The following COLGALT2 variants were observed in gnomAD, a reference collection of about 807,000 sequenced individuals.
COLGALT2 encodes procollagen galactosyltransferase 2.
A neutral mutation model predicts 73.4 loss-of-function variants in COLGALT2; 49 were observed. That is an observed-to-expected ratio of 0.67 (90% CI 0.53 to 0.85). The LOEUF (loss-of-function observed/expected upper bound fraction) is 0.85, where lower values mean the gene tolerates loss of function less well. COLGALT2 is among the 40% of genes least tolerant of loss of function. The pLI is 0.00. For synonymous variants in COLGALT2, 295 were observed against 307.6 expected (o/e 0.96, Z 0.43); for missense variants, 722 against 790.2 (o/e 0.91, Z 1.03).
intron 2 of COLGALT2, among the ~76,000 whole-genome samples, chr1:183,975,718 C>T (rs576484529): frequency 9.2e-5 from 14 of 152,202 alleles, no homozygotes; most frequent in Non-Finnish European, 1.9e-4. Flanking sequence ...CACAGCCTAA[C>T]ACATTGATCT....
chr1:183,960,344 T>C (rs887659505), intron 6 of COLGALT2, among the ~76,000 whole-genome samples: 1 of 152,222 alleles, frequency 6.6e-6, no homozygotes, highest in Non-Finnish European at 1.5e-5. Flanking sequence ...CCACTCTTCT[T>C]GTTTAAATTT....
intron 1 of COLGALT2, among the ~76,000 whole-genome samples, chr1:183,995,076 A>T (rs1315611015): frequency 6.6e-6 from 1 of 152,204 alleles, no homozygotes; most frequent in African/African-American, 2.4e-5. Context: ...ATCACCTATG[A>T]AAAGAATAAA....
At chr1:184,014,530 C>T (rs1440200080) in intron 1 of COLGALT2, among the ~76,000 whole-genome samples, 2 of 152,290 alleles carry the variant, frequency 1.3e-5, no homozygotes, top group African/African-American at 4.8e-5. Context: ...AGTGAGAATG[C>T]TAAACTGGCA....
intron 11 of COLGALT2, among the ~76,000 whole-genome samples, chr1:183,930,569 C>CTTTCTTTTTTT (rs1669822947): frequency 8.8e-5 from 10 of 114,064 alleles, no homozygotes; most frequent in Middle Eastern, 5.2e-3. Context: ...TTTTCTTTTT[C>CTTTCTTTTTTT]TTTTTTTTTT....
At chr1:184,027,857 G>A (rs10752928) in intron 1 of COLGALT2, among the ~76,000 whole-genome samples, 106,400 of 152,176 alleles carry the variant, frequency 0.7, 38,395 homozygotes, top group African/African-American at 0.88. Flanking sequence ...AAATATTTTC[G>A]TATGCTGGCT....
chr1:183,963,201 G>A (rs1394732808), intron 6 of COLGALT2, among the ~76,000 whole-genome samples: 1 of 152,196 alleles, frequency 6.6e-6, no homozygotes, highest in African/African-American at 2.4e-5. Flanking sequence ...TTAAGGACAT[G>A]AACTTTGGAG....
intron 1 of COLGALT2, among the ~76,000 whole-genome samples, chr1:184,008,042 AATACTACT>A (rs1362117191): frequency 6.6e-6 from 1 of 152,228 alleles, no homozygotes; most frequent in Non-Finnish European, 1.5e-5. Context: ...TCAAAAGGAA[AATACTACT>A]ATACACTAGA....
Position 183,936,281 on chromosome 1 carries a change from G to C in COLGALT2, c.*2480C>G. 1 of 985,734 alleles carries C rather than the reference G, an allele frequency of 1.0e-6. No homozygotes were observed. Among genetic ancestry groups the C allele is most frequent in the Non-Finnish European group, 1.2e-6 (1 of 829,918 alleles). 61.1% of individuals were successfully genotyped at this position (985,734 alleles called of 1,614,324 possible). On this transcript the variant is annotated 3_prime_UTR_variant, in exon 12 of 12. Coordinates refer to ENST00000361927, the MANE Select transcript of COLGALT2 (RefSeq NM_015101.4). ...GAGATAGGACAAATAATGAGGTCAA[G>C]GAACCTCTGGATTGCTGAAGAGATG... is the stretch of plus-strand genomic sequence containing the variant.
At chr1:183,995,603 A>G (rs1302878740) in intron 1 of COLGALT2, among the ~76,000 whole-genome samples, 1 of 152,088 alleles carries the variant, frequency 6.6e-6, no homozygotes, top group African/African-American at 2.4e-5. Context: ...GGCTTCTTGT[A>G]TACTACCTTG....
At chr1:183,969,154 G>A in intron 5 of COLGALT2, 115 bp downstream of exon 5, 3 of 829,944 alleles carry the variant, frequency 3.6e-6, no homozygotes, top group Non-Finnish European at 5.4e-6. Flanking sequence ...ACAATTTACT[G>A]CCTCTCACTA....
intron 1 of COLGALT2, among the ~76,000 whole-genome samples, chr1:184,005,759 A>G (rs1203198315): frequency 6.6e-6 from 1 of 152,118 alleles, no homozygotes; most frequent in Non-Finnish European, 1.5e-5. Context: ...CCTGGTGCGA[A>G]TCATGAGACC....
rs1013714063 is a variant in COLGALT2 at position 184,010,669 on chromosome 1, T to A, written c.263+26426A>T. Reference sequence around the variant, plus strand: ...TCCTAGAACCATGACCAAAGAACAGTGGCTACTGTGAGGACAGAAAGGAAA... The same window carrying A: ...TCCTAGAACCATGACCAAAGAACAGAGGCTACTGTGAGGACAGAAAGGAAA... On this transcript the variant is annotated intron_variant, in intron 1 of 11. Coordinates refer to ENST00000361927, the MANE Select transcript of COLGALT2 (RefSeq NM_015101.4). Among the ~76,000 whole-genome samples the A allele has an allele frequency of 2.0e-5, 3 of 152,224 alleles. No individual in the cohort carries two copies. The East Asian group carries it at 5.8e-4, about 29-fold the overall frequency.
At chr1:183,966,023 G>A (rs1180028678) in intron 5 of COLGALT2, among the ~76,000 whole-genome samples, 1 of 152,212 alleles carries the variant, frequency 6.6e-6, no homozygotes. Flanking sequence ...AGAAAATCAA[G>A]AAGTAGCAAT....
In COLGALT2 at chr1:183,956,183, G is replaced by A. The variant is rs150935491; in HGVS notation, c.953-1345C>T. The stretch of plus-strand genomic sequence containing the variant: ...ATAACTTTGCCCATCCTGAGATACT[G>A]TCCAAAGGGTATGATCTGTTTAACT... On this transcript the variant is annotated intron_variant, in intron 6 of 11. Transcript: ENST00000361927. Among the ~76,000 whole-genome samples, 373 of 152,294 alleles carry A rather than the reference G, an allele frequency of 2.4e-3. 2 individuals are homozygous for A. The highest frequency in any genetic ancestry group is 8.4e-3 in the African/African-American group (351 of 41,572).
chr1:183,970,756 T>G (rs923133257), intron 4 of COLGALT2, among the ~76,000 whole-genome samples: 5 of 152,206 alleles, frequency 3.3e-5, no homozygotes, highest in Admixed American at 2.6e-4. Flanking sequence ...GAATCACATG[T>G]GATAAGGTCT....
chr1:183,948,780 A>G (rs1312259403), intron 8 of COLGALT2, among the ~76,000 whole-genome samples: 1 of 152,170 alleles, frequency 6.6e-6, no homozygotes, highest in Non-Finnish European at 1.5e-5. Context: ...ATATAACACT[A>G]TCTCTACTTG....
intron 1 of COLGALT2, among the ~76,000 whole-genome samples, chr1:184,003,919 C>G (rs891121834): frequency 2.0e-5 from 3 of 152,138 alleles, no homozygotes; most frequent in Admixed American, 2.0e-4. Context: ...CCAAAGAAGA[C>G]GAAGAGGATA....
At chr1:183,943,185 C>A (rs734657) in intron 10 of COLGALT2, among the ~76,000 whole-genome samples, 34,976 of 152,126 alleles carry the variant, frequency 0.23, 4,322 homozygotes, top group Non-Finnish European at 0.27. Context: ...TTAGTTGAGC[C>A]ATTGCTAGGT....
intron 10 of COLGALT2, among the ~76,000 whole-genome samples, chr1:183,943,700 C>T (rs1670174476): frequency 2.0e-5 from 3 of 152,156 alleles, no homozygotes; most frequent in South Asian, 2.1e-4. Flanking sequence ...CATGTTTGTG[C>T]AGCCCCATTT....
Sources: allele counts gnomAD v4.1 joint callset (sites outside exome capture counted in the v4.1 genomes callset), GRCh38; gene constraint gnomAD v4.1.1; transcripts MANE v1.5; gene names NCBI Gene and HGNC (gene_info 2026-07-23, HGNC 2026-07-21).